The following GPHN variants were observed in gnomAD, a reference collection of about 807,000 sequenced individuals.
GPHN encodes the protein gephyrin.
In GPHN, 17 loss-of-function variants were observed where a neutral mutation model predicts 95.5. The observed-to-expected ratio is 0.18, with a 90% confidence interval of 0.12 to 0.27. GPHN has a LOEUF of 0.27. Among genes scored for constraint, GPHN ranks in the 10% least tolerant of loss-of-function variants. The pLI, the probability that GPHN is intolerant of heterozygous loss-of-function variation, is 1.00. For missense variants in GPHN, 660 were observed against 978.1 expected (o/e 0.67, Z 4.34); for synonymous variants, 320 against 322.5 (o/e 0.99, Z 0.08).
chr14:67,384,417 C>T, the GPHN span: 2 of 149,002 alleles, frequency 1.3e-5, no homozygotes, highest in Admixed American at 6.7e-5. Flanking sequence ...AGAACTAATT[C>T]GTACATAATA....
At chr14:67,679,380 C>T in the GPHN span, among the ~76,000 whole-genome samples, 2 of 151,612 alleles carry the variant, frequency 1.3e-5, no homozygotes, top group Non-Finnish European at 2.9e-5. Flanking sequence ...TATACCCTCT[C>T]TTCATTGCTG....
At chr14:66,729,118 T>C (rs2071522411) in intron 2 of GPHN, among the ~76,000 whole-genome samples, 1 of 152,136 alleles carries the variant, frequency 6.6e-6, no homozygotes, top group South Asian at 2.1e-4. Context: ...ATATAAAACA[T>C]GGCTTGCTCC....
At chr14:67,527,948 A>C in the GPHN span, among the ~76,000 whole-genome samples, 1 of 152,146 alleles carries the variant, frequency 6.6e-6, no homozygotes, top group Non-Finnish European at 1.5e-5. Flanking sequence ...GAGGCCCTCC[A>C]AAGTCCAGTT....
intron 1 of GPHN, among the ~76,000 whole-genome samples, chr14:66,632,058 T>C (rs1324325561): frequency 6.6e-6 from 1 of 152,228 alleles, no homozygotes; most frequent in East Asian, 1.9e-4. Context: ...TAAATGTTTG[T>C]TGAAATTTAC....
At chr14:67,146,992 C>T (rs1476110265) in intron 18 of GPHN, among the ~76,000 whole-genome samples, 1 of 152,142 alleles carries the variant, frequency 6.6e-6, no homozygotes, top group Non-Finnish European at 1.5e-5. Context: ...AAGATGGCGC[C>T]ACTGCACTCC....
intron 6 of GPHN, among the ~76,000 whole-genome samples, chr14:66,922,270 TG>T (rs1312708978): frequency 1.6e-5 from 2 of 124,300 alleles, no homozygotes; most frequent in African/African-American, 4.3e-5. Flanking sequence ...GCAGAGTGTA[TG>T]TTTTTTTTTT....
chr14:67,571,928 G>A, the GPHN span: 1 of 1,586,604 alleles, frequency 6.3e-7, no homozygotes, highest in Non-Finnish European at 8.6e-7. Flanking sequence ...GCAGGGGCAG[G>A]GTGCAGCAGC....
intron 1 of GPHN, among the ~76,000 whole-genome samples, chr14:66,517,496 C>T (rs1355184677): frequency 6.6e-6 from 1 of 152,012 alleles, no homozygotes; most frequent in Non-Finnish European, 1.5e-5. Flanking sequence ...CAATCCTGAA[C>T]AAAAAGGACA....
At chr14:66,791,268 T>C (rs540609373) in intron 3 of GPHN, among the ~76,000 whole-genome samples, 1 of 152,294 alleles carries the variant, frequency 6.6e-6, no homozygotes, top group South Asian at 2.1e-4. Flanking sequence ...TTCCTCAGTA[T>C]TGTCCCTTTG....
chr14:67,143,288 T>C, intron 17 of GPHN, 74 bp from the exon 18 acceptor site: 1 of 890,582 alleles, frequency 1.1e-6, no homozygotes, highest in Non-Finnish European at 1.9e-6. Flanking sequence ...AATAAGGCGA[T>C]GTAGTTTTAA....
At chr14:66,870,346 TTG>T (rs2063384046) in intron 4 of GPHN, among the ~76,000 whole-genome samples, 1 of 152,202 alleles carries the variant, frequency 6.6e-6, no homozygotes. Context: ...CATATAAGGT[TTG>T]TGTCTCTATG....
intron 21 of GPHN, among the ~76,000 whole-genome samples, chr14:67,179,031 C>T (rs746527167): frequency 2.0e-5 from 3 of 152,138 alleles, no homozygotes; most frequent in Non-Finnish European, 4.4e-5. Flanking sequence ...TGAACTCCAG[C>T]TTCTTAGCCT....
chr14:66,697,477 G>C (rs1339729983), intron 2 of GPHN, among the ~76,000 whole-genome samples: 1 of 152,112 alleles, frequency 6.6e-6, no homozygotes, highest in African/African-American at 2.4e-5. Context: ...ATGAAATGTA[G>C]ACTCAACAGT....
At chr14:66,849,226 A>G (rs544248242) in intron 4 of GPHN, among the ~76,000 whole-genome samples, 2 of 152,048 alleles carry the variant, frequency 1.3e-5, no homozygotes, top group African/African-American at 2.4e-5. Flanking sequence ...GCTTTTCTTC[A>G]TTTAATAACT....
chr14:67,049,070 T>G (rs1216219172), intron 10 of GPHN, among the ~76,000 whole-genome samples: 1 of 152,224 alleles, frequency 6.6e-6, no homozygotes, highest in Non-Finnish European at 1.5e-5. Context: ...TGCTAGGTGA[T>G]AACTCACTGG....
intron 11 of GPHN, among the ~76,000 whole-genome samples, chr14:67,059,236 A>T (rs867302082): frequency 1.4e-4 from 22 of 152,128 alleles, no homozygotes; most frequent in African/African-American, 3.1e-4. Flanking sequence ...TGTAAAAAAA[A>T]ATATTAATTT....
intron 8 of GPHN, among the ~76,000 whole-genome samples, chr14:66,926,404 T>A (rs187065552): frequency 2.0e-4 from 31 of 152,318 alleles, no homozygotes; most frequent in Middle Eastern, 3.4e-3. Context: ...AAGTCTTTAA[T>A]CCATTTTGAT....
chr14:66,897,330 T>C (rs1045065715), intron 5 of GPHN, among the ~76,000 whole-genome samples: 4 of 152,106 alleles, frequency 2.6e-5, no homozygotes, highest in African/African-American at 9.7e-5. Context: ...GATATACTGA[T>C]TTCCTTTCTT....
chr14:66,778,376 T>C (rs1029781121), intron 3 of GPHN, among the ~76,000 whole-genome samples: 42 of 152,286 alleles, frequency 2.8e-4, no homozygotes, highest in Middle Eastern at 3.4e-3. Context: ...GATATGCCAA[T>C]TGCAATTAAA....
Sources: gnomAD v4.1 joint callset for allele counts (sites outside exome capture counted in the v4.1 genomes callset) on GRCh38, gnomAD v4.1.1 for gene constraint, MANE v1.5 for transcripts, NCBI Gene and HGNC (gene_info 2026-07-23, HGNC 2026-07-21) for gene names.